ARHGAP29: variants seen among roughly 807,000 people sequenced by gnomAD.
ARHGAP29 encodes rho GTPase-activating protein 29.
In ARHGAP29, 43 loss-of-function variants were observed where a neutral mutation model predicts 122.6. The observed-to-expected ratio is 0.35, with a 90% CI of 0.27 to 0.45. The LOEUF (loss-of-function observed/expected upper bound fraction) is 0.45, where lower values mean the gene tolerates loss of function less well. Among genes scored for constraint, ARHGAP29 ranks in the 20% least tolerant of loss-of-function variants. The pLI, the probability that ARHGAP29 is intolerant of heterozygous loss-of-function variation, is 1.00. For missense variants in ARHGAP29, 1,303 were observed against 1,477.2 expected (o/e 0.88, Z 1.93); for synonymous variants, 506 against 497.1 (o/e 1.02, Z -0.24).
the ARHGAP29 span, among the ~76,000 whole-genome samples, chr1:94,308,573 AGTCAC>A: frequency 1.3e-5 from 2 of 152,200 alleles, no homozygotes; most frequent in Non-Finnish European, 2.9e-5. Flanking sequence ...ACCCAAGCCA[AGTCAC>A]GTCATCATTT....
chr1:94,193,250 A>G (rs1211091834), intron 12 of ARHGAP29: 1 of 152,084 alleles, frequency 6.6e-6, no homozygotes, highest in Non-Finnish European at 1.5e-5. Flanking sequence ...AACACTATAA[A>G]CAACCAAGAG....
At chr1:94,290,790 G>A in the ARHGAP29 span, among the ~76,000 whole-genome samples, 2 of 152,236 alleles carry the variant, frequency 1.3e-5, no homozygotes, top group Non-Finnish European at 2.9e-5. Context: ...CTGAGAGAGA[G>A]TTTGTTGTGA....
At chr1:94,264,626 T>A (rs1654692453) in intron 1 of ARHGAP29, among the ~76,000 whole-genome samples, 1 of 152,140 alleles carries the variant, frequency 6.6e-6, no homozygotes. Context: ...TTTCTCTGCA[T>A]CATCTCGGCC....
Position 94,267,605 on chromosome 1 carries a change from A to G in ARHGAP29, c.-33+7407T>C, listed in dbSNP as rs77296186. Among the ~76,000 whole-genome samples, 1,296 of 151,772 alleles carry G rather than the reference A, an allele frequency of 8.5e-3. 7 individuals are homozygous for G. Among genetic ancestry groups the G allele is most frequent in the Non-Finnish European group, 0.014 (974 of 67,946 alleles). On this transcript the variant is annotated intron_variant and NMD_transcript_variant, in intron 1 of 25. Transcript: ENST00000552844. The stretch of plus-strand genomic sequence containing the variant: ...ACCTATGTTTAATCTTCCATTTTAT[A>G]CACGAATATAATAAAACATTGTGGA...
chr1:94,194,326 A>AT (rs1650309923), intron 12 of ARHGAP29: 2 of 152,158 alleles, frequency 1.3e-5, no homozygotes, highest in African/African-American at 4.8e-5. Context: ...TGAAAGAGAT[A>AT]ATTTTTTTTT....
chr1:94,294,458 A>G, the ARHGAP29 span, among the ~76,000 whole-genome samples: 2 of 152,014 alleles, frequency 1.3e-5, no homozygotes, highest in Non-Finnish European at 2.9e-5. Flanking sequence ...AACTTTTTAA[A>G]TTTATTTTTT....
At position 94,256,536 on chromosome 1, in the gene ARHGAP29, CTTTTTTTTTTTTTTTTTTTTT is replaced by C. The variant is rs530295333; in HGVS notation, c.-33+18455_-33+18475del. Among the ~76,000 whole-genome samples the C allele has an allele frequency of 7.3e-4, 33 of 45,330 alleles. 1 individual carries two copies. In the East Asian group the frequency reaches 0.026, roughly 35 times the overall value. 29.7% of individuals were successfully genotyped at this position (45,330 alleles called of 152,430 possible). The stretch of plus-strand genomic sequence containing the variant: ...CAGAAATAGATTTAACAGTACTAAT[CTTTTTTTTTTTTTTTTTTTTT>C]TTTTTTTTTTTTTTTTTTGAGACAG... On this transcript the variant is annotated intron_variant and NMD_transcript_variant, in intron 1 of 25. Transcript: ENST00000552844.
chr1:94,239,372 T>G (rs1052407193), upstream of ARHGAP29, among the ~76,000 whole-genome samples: 1 of 152,172 alleles, frequency 6.6e-6, no homozygotes, highest in African/African-American at 2.4e-5. Context: ...TAAAGAGGAC[T>G]GTGTTGCTGA....
At position 94,237,495 on chromosome 1, in the gene ARHGAP29, G is replaced by A. The variant is rs1315969900; in HGVS notation, c.-113C>T. 1.0e-6 allele frequency: 1 copy of A among 989,424 alleles called. No individual in the cohort carries two copies. Among genetic ancestry groups the A allele is most frequent in the Non-Finnish European group, 1.2e-6 (1 of 832,686 alleles). 61.3% of individuals were successfully genotyped at this position (989,424 alleles called of 1,614,324 possible). A position where few individuals can be genotyped will look rare whatever the true frequency, so the allele number is the denominator to read the frequency against. On this transcript the variant is annotated 5_prime_UTR_variant, in exon 1 of 23. Transcript: ENST00000260526. Reference sequence around the variant, plus strand: ...CCGCCACCGCCGAGGGCTGGAGCTCGCTGCCCCCATCCCCCACGGCCTGCG... The same window carrying A: ...CCGCCACCGCCGAGGGCTGGAGCTCACTGCCCCCATCCCCCACGGCCTGCG...
intron 3 of ARHGAP29, among the ~76,000 whole-genome samples, chr1:94,219,222 T>C (rs1277943813): frequency 6.6e-6 from 1 of 151,606 alleles, no homozygotes; most frequent in Non-Finnish European, 1.5e-5. Flanking sequence ...CCATTTACCT[T>C]ATCGGTAGCA....
At chr1:94,216,461 A>C (rs1006442375) in intron 3 of ARHGAP29, among the ~76,000 whole-genome samples, 1 of 152,244 alleles carries the variant, frequency 6.6e-6, no homozygotes, top group African/African-American at 2.4e-5. Flanking sequence ...GAAAAAACAC[A>C]CAAGAGACCA....
At chr1:94,297,367 G>A in the ARHGAP29 span, among the ~76,000 whole-genome samples, 344 of 152,270 alleles carry the variant, frequency 2.3e-3, 3 homozygotes, top group Non-Finnish European at 2.0e-3. Flanking sequence ...GCTAATGAGC[G>A]TTAAAAAGCA....
In ARHGAP29 at chr1:94,173,566, T is replaced by C; in HGVS notation, c.*303A>G. The C allele has an allele frequency of 3.7e-6, 1 of 270,900 alleles. No individual in the cohort carries two copies. The highest frequency in any genetic ancestry group is 7.0e-6 in the Non-Finnish European group (1 of 141,946). 16.8% of individuals were successfully genotyped at this position (270,900 alleles called of 1,614,324 possible). A position where few individuals can be genotyped will look rare whatever the true frequency, so the allele number is the denominator to read the frequency against. On this transcript the variant is annotated 3_prime_UTR_variant, in exon 23 of 23. Coordinates refer to ENST00000260526, the MANE Select transcript of ARHGAP29 (RefSeq NM_004815.4). ...GACTATATCATATATTAGGGATGCA[T>C]TCAAATGGACCATTTGGTGGGGAAA...
chr1:94,262,535 G>T (rs1654604874), intron 1 of ARHGAP29, among the ~76,000 whole-genome samples: 1 of 151,982 alleles, frequency 6.6e-6, no homozygotes, highest in African/African-American at 2.4e-5. Flanking sequence ...CATCTATAAG[G>T]AACTTAAGAA....
Position 94,257,986 on chromosome 1 carries a change from C to T in ARHGAP29, c.-33+17026G>A, listed in dbSNP as rs569052741. On this transcript the variant is annotated intron_variant and NMD_transcript_variant, in intron 1 of 25. Coordinates refer to the ARHGAP29 transcript ENST00000552844. Reference sequence around the variant, plus strand: ...AGAAGGAAGATGATGATAGAAGCCCCGATCAGGGATGTTGGATTCTGGTGT... The same window carrying T: ...AGAAGGAAGATGATGATAGAAGCCCTGATCAGGGATGTTGGATTCTGGTGT... Among the ~76,000 whole-genome samples the T allele has an allele frequency of 4.6e-5, 7 of 152,104 alleles. No individual in the cohort carries two copies. In the East Asian group the frequency reaches 1.2e-3, roughly 25 times the overall value.
At chr1:94,297,268 C>G in the ARHGAP29 span, among the ~76,000 whole-genome samples, 1 of 152,182 alleles carries the variant, frequency 6.6e-6, no homozygotes, top group South Asian at 2.1e-4. Flanking sequence ...TGACAATACT[C>G]GTGGTATGTA....
the ARHGAP29 span, among the ~76,000 whole-genome samples, chr1:94,307,188 G>T: frequency 6.6e-6 from 1 of 151,744 alleles, no homozygotes; most frequent in Non-Finnish European, 1.5e-5. Context: ...CATTCTTTAC[G>T]CCTGCTCCTG....
intron 19 of ARHGAP29, among the ~76,000 whole-genome samples, chr1:94,183,347 T>C (rs935453245): frequency 1.2e-4 from 18 of 152,270 alleles, no homozygotes; most frequent in Non-Finnish European, 1.2e-4. Context: ...GCTCAGGTCT[T>C]TTTTTGTACG....
At chr1:94,217,056 G>C (rs1651989616) in intron 3 of ARHGAP29, among the ~76,000 whole-genome samples, 1 of 152,132 alleles carries the variant, frequency 6.6e-6, no homozygotes. Flanking sequence ...GAGGAAGCAG[G>C]CACCCTTCAT....
Sources: allele counts gnomAD v4.1 joint callset (sites outside exome capture counted in the v4.1 genomes callset), GRCh38; gene constraint gnomAD v4.1.1; transcripts MANE v1.5; gene names NCBI Gene and HGNC (gene_info 2026-07-23, HGNC 2026-07-21).